The following EFL1 variants were observed in gnomAD, a reference collection of about 807,000 sequenced individuals.
EFL1 encodes elongation factor like GTPase 1.
EFL1 carries 76 observed loss-of-function variants against 126.7 expected under a neutral mutation model. The ratio of observed to expected loss-of-function variants is 0.60; its 90% CI spans 0.50 to 0.73. EFL1 has a LOEUF of 0.73. Ranked by LOEUF, EFL1 falls within the 30% of genes least tolerant of loss-of-function variation. EFL1 has a pLI of 0.00. For synonymous variants in EFL1, 410 were observed against 448.4 expected, an observed-to-expected ratio of 0.91 and a Z score of 1.08; for missense variants, 1,128 against 1,343.2, an observed-to-expected ratio of 0.84 and a Z score of 2.50.
intron 16 of EFL1, among the ~76,000 whole-genome samples, chr15:82,158,927 T>C (rs551918526): frequency 2.4e-4 from 36 of 152,350 alleles, no homozygotes; most frequent in African/African-American, 8.7e-4. Flanking sequence ...CTAATAAACT[T>C]GTGTTCAAGG....
chr15:82,161,263 G>A (rs909880914), intron 16 of EFL1, among the ~76,000 whole-genome samples: 2 of 152,020 alleles, frequency 1.3e-5, no homozygotes, highest in African/African-American at 4.8e-5. Context: ...CTCAGAGGCA[G>A]TATTACTGCA....
intron 4 of EFL1, among the ~76,000 whole-genome samples, chr15:82,247,485 G>T (rs1031498591): frequency 6.6e-6 from 1 of 152,110 alleles, no homozygotes; most frequent in African/African-American, 2.4e-5. Context: ...TAATTGGATG[G>T]TCTGAGTCTT....
At chr15:82,227,674 T>C (rs2074779028) in intron 10 of EFL1, 102 bp from the exon 11 acceptor site, 2 of 1,513,800 alleles carry the variant, frequency 1.3e-6, no homozygotes, top group Non-Finnish European at 1.8e-6. Flanking sequence ...AGTCTGTCCA[T>C]ACAGAAAATG....
intron 18 of EFL1, among the ~76,000 whole-genome samples, chr15:82,151,246 C>T (rs112659606): frequency 0.067 from 10,251 of 152,122 alleles, 517 homozygotes; most frequent in African/African-American, 0.13. Context: ...AACTTAGCTG[C>T]ACATGGTGGT....
intron 18 of EFL1, among the ~76,000 whole-genome samples, chr15:82,149,012 G>A (rs934434827): frequency 4.6e-5 from 7 of 151,586 alleles, no homozygotes; most frequent in Non-Finnish European, 8.8e-5. Context: ...GATAATTGGG[G>A]GACTGTTATA....
At chr15:82,225,308 T>TAAAA in intron 11 of EFL1, 44 bp from the exon 12 acceptor site, 3 of 1,121,942 alleles carry the variant, frequency 2.7e-6, no homozygotes, top group Non-Finnish European at 3.6e-6. Flanking sequence ...TTCCCATTAT[T>TAAAA]AAAAAAAAAA....
chr15:82,200,653 A>C (rs566648028), intron 15 of EFL1, among the ~76,000 whole-genome samples: 1 of 152,348 alleles, frequency 6.6e-6, no homozygotes, highest in South Asian at 2.1e-4. Flanking sequence ...AGTTAGTTTC[A>C]GTGTACTATC....
rs374438131 is a variant in EFL1 at position 82,190,366 on chromosome 15, TCA to T, written c.1750+24349_1750+24350del. ...TACTTTGAGTAATAACTCATTTTTC[TCA>T]GTTTTCTCCTATTTTGTACAAGAAG... On this transcript the variant is annotated intron_variant, in intron 15 of 19. Coordinates refer to ENST00000268206, the MANE Select transcript of EFL1 (RefSeq NM_024580.6). Among the ~76,000 whole-genome samples the T allele has an allele frequency of 1.2e-3, 180 of 152,342 alleles. 1 individual carries two copies. Among genetic ancestry groups the T allele is most frequent in the African/African-American group, 4.1e-3 (172 of 41,576 alleles).
At chr15:82,207,307 T>TATATACACACAC (rs141904056) in intron 15 of EFL1, among the ~76,000 whole-genome samples, 7 of 145,418 alleles carry the variant, frequency 4.8e-5, no homozygotes, top group African/African-American at 1.3e-4. Flanking sequence ...TATATATATA[T>TATATACACACAC]ACACACACAC....
At chr15:82,181,982 G>A (rs1432022642) in intron 15 of EFL1, among the ~76,000 whole-genome samples, 1 of 152,168 alleles carries the variant, frequency 6.6e-6, no homozygotes, top group Non-Finnish European at 1.5e-5. Context: ...AGCTGTGGCT[G>A]GGCACGGTGG....
chr15:82,230,761 G>C, intron 8 of EFL1, 87 bp downstream of exon 8: 2 of 1,454,644 alleles, frequency 1.4e-6, no homozygotes, highest in Non-Finnish European at 1.8e-6. Context: ...AATTAAAGCT[G>C]AATTACATTT....
chr15:82,255,014 T>C (rs2075055198), intron 3 of EFL1, among the ~76,000 whole-genome samples: 3 of 152,172 alleles, frequency 2.0e-5, no homozygotes, highest in Admixed American at 2.0e-4. Flanking sequence ...ATATGAACAG[T>C]TGTGGGTCTC....
intron 15 of EFL1, among the ~76,000 whole-genome samples, chr15:82,169,581 T>G (rs1428400130): frequency 6.6e-6 from 1 of 152,214 alleles, no homozygotes; most frequent in Non-Finnish European, 1.5e-5. Context: ...GTTTATAACT[T>G]TTATCATTCA....
chr15:82,155,371 G>A (rs895536208), intron 17 of EFL1, among the ~76,000 whole-genome samples: 6 of 151,984 alleles, frequency 3.9e-5, no homozygotes, highest in East Asian at 1.9e-4. Context: ...GCGTGGTGGC[G>A]TGCACCTGTA....
chr15:82,139,576 CTG>C (rs2073762678), intron 18 of EFL1, among the ~76,000 whole-genome samples: 1 of 152,154 alleles, frequency 6.6e-6, no homozygotes, highest in Admixed American at 6.6e-5. Flanking sequence ...ATGAGTGTCT[CTG>C]GGTATGCAAT....
chr15:82,138,622 GA>G, intron 19 of EFL1, 35 bp downstream of exon 19: 1 of 1,604,458 alleles, frequency 6.2e-7, no homozygotes, highest in Non-Finnish European at 8.5e-7. Context: ...ATCCATAGAT[GA>G]GAAGGAAGGA....
chr15:82,168,154 G>A (rs897465251), intron 15 of EFL1, among the ~76,000 whole-genome samples: 128 of 152,282 alleles, frequency 8.4e-4, no homozygotes, highest in African/African-American at 2.8e-3. Flanking sequence ...TACCAAAGCA[G>A]CTCATATCCT....
intron 4 of EFL1, among the ~76,000 whole-genome samples, chr15:82,242,341 C>T (rs1490152748): frequency 6.9e-6 from 1 of 145,566 alleles, no homozygotes; most frequent in East Asian, 2.0e-4. Context: ...GTTGAGTATC[C>T]TTTATCTGAA....
chr15:82,148,823 C>T (rs528189783), intron 18 of EFL1, among the ~76,000 whole-genome samples: 123 of 152,254 alleles, frequency 8.1e-4, no homozygotes, highest in Non-Finnish European at 1.6e-3. Context: ...ATAAACACTG[C>T]GTTCCATAAA....
Sources: gnomAD v4.1 joint callset for allele counts (sites outside exome capture counted in the v4.1 genomes callset) on GRCh38, gnomAD v4.1.1 for gene constraint, MANE v1.5 for transcripts, NCBI Gene and HGNC (gene_info 2026-07-23, HGNC 2026-07-21) for gene names.